CPQ: variants seen among roughly 807,000 people sequenced by gnomAD.
The protein encoded by CPQ is Ser-Met dipeptidase.
CPQ carries 37 observed loss-of-function variants against 45.7 expected under a neutral mutation model. The observed-to-expected ratio is 0.81, with a 90% CI of 0.62 to 1.07. The LOEUF is 1.07. CPQ is among the 50% of genes least tolerant of loss of function. The probability of loss-of-function intolerance (pLI) is 0.00; values close to 1 mark genes in which losing one functional copy is unlikely to be tolerated. For synonymous variants in CPQ, 186 were observed against 205.8 expected (o/e 0.90, Z 0.82); for missense variants, 537 against 572.9 (o/e 0.94, Z 0.64).
chr8:96,948,033 G>A (rs866095604), intron 4 of CPQ, among the ~76,000 whole-genome samples: 6 of 151,928 alleles, frequency 3.9e-5, no homozygotes, highest in African/African-American at 9.7e-5. Flanking sequence ...AGTACTTAGC[G>A]CGACTCCTGC....
At chr8:96,860,311 A>G (rs1424810398) in intron 3 of CPQ, among the ~76,000 whole-genome samples, 3 of 152,198 alleles carry the variant, frequency 2.0e-5, no homozygotes, top group African/African-American at 7.2e-5. Flanking sequence ...CACTAATAAT[A>G]GCATATTTTC....
At chr8:96,738,282 A>G (rs1444263830) in intron 1 of CPQ, among the ~76,000 whole-genome samples, 1 of 152,130 alleles carries the variant, frequency 6.6e-6, no homozygotes, top group Non-Finnish European at 1.5e-5. Flanking sequence ...GCTGTTTGAC[A>G]TATCAGTTAG....
chr8:96,701,903 G>C (rs1563473231), intron 1 of CPQ, among the ~76,000 whole-genome samples: 2 of 152,236 alleles, frequency 1.3e-5, no homozygotes, highest in East Asian at 1.9e-4. Context: ...CTACTAATTG[G>C]CTCTGACCCT....
At chr8:97,127,040 T>C (rs1811859577) in intron 7 of CPQ, among the ~76,000 whole-genome samples, 1 of 152,180 alleles carries the variant, frequency 6.6e-6, no homozygotes, top group Non-Finnish European at 1.5e-5. Context: ...TAAACCTAAA[T>C]GTAAAATCTT....
At chr8:96,709,957 G>A (rs1025803444) in intron 1 of CPQ, among the ~76,000 whole-genome samples, 1 of 152,012 alleles carries the variant, frequency 6.6e-6, no homozygotes, top group Non-Finnish European at 1.5e-5. Context: ...AGTAGAATTG[G>A]TACCAATTTT....
In CPQ at chr8:97,122,842, A is replaced by C. The variant is rs1010185739; in HGVS notation, c.1256-20178A>C. On this transcript the variant is annotated intron_variant, in intron 7 of 7. Coordinates refer to ENST00000220763, the MANE Select transcript of CPQ (RefSeq NM_016134.4). ...AGAGGTTTCAGTGAGCCAATATCAC[A>C]CCACTGTACTCCAGCCTGGGCAACA... Among the ~76,000 whole-genome samples, 7 of 148,134 alleles carry C rather than the reference A, an allele frequency of 4.7e-5. No homozygotes were observed. The East Asian group carries it at 1.2e-3, about 25-fold the overall frequency.
At chr8:96,880,104 T>C in intron 4 of CPQ, 99 bp downstream of exon 4, 1 of 1,009,428 alleles carries the variant, frequency 9.9e-7, no homozygotes, top group South Asian at 1.5e-5. Flanking sequence ...ACCACCTAGA[T>C]GGTCCTCATA....
chr8:96,685,074 A>G (rs1052388759), intron 1 of CPQ, among the ~76,000 whole-genome samples: 2 of 152,076 alleles, frequency 1.3e-5, no homozygotes, highest in Non-Finnish European at 2.9e-5. Context: ...ACTGCATTCC[A>G]GCCTGGGGTG....
At chr8:96,696,436 T>C (rs1381654089) in intron 1 of CPQ, among the ~76,000 whole-genome samples, 1 of 150,374 alleles carries the variant, frequency 6.7e-6, no homozygotes, top group Non-Finnish European at 1.5e-5. Context: ...AAACTTGAAG[T>C]ATAATAATAA....
chr8:97,128,797 A>T (rs1811890176), intron 7 of CPQ, among the ~76,000 whole-genome samples: 1 of 152,248 alleles, frequency 6.6e-6, no homozygotes. Flanking sequence ...CTACTGTGGA[A>T]AGTAGAGGTA....
intron 5 of CPQ, among the ~76,000 whole-genome samples, chr8:97,012,433 T>A (rs1002213981): frequency 7.9e-5 from 12 of 152,068 alleles, no homozygotes; most frequent in African/African-American, 2.4e-4. Flanking sequence ...GGGAAAAAAA[T>A]TTAATAGATT....
chr8:96,822,973 G>A (rs1811331202), intron 2 of CPQ, among the ~76,000 whole-genome samples: 1 of 151,930 alleles, frequency 6.6e-6, no homozygotes, highest in African/African-American at 2.4e-5. Context: ...TTCTTTCTCT[G>A]TCATATGAAA....
At chr8:96,663,630 A>T (rs991516580) in intron 1 of CPQ, among the ~76,000 whole-genome samples, 9 of 152,276 alleles carry the variant, frequency 5.9e-5, no homozygotes, top group African/African-American at 2.2e-4. Flanking sequence ...TTAAAAAATT[A>T]TAAAAGTGAT....
intron 1 of CPQ, among the ~76,000 whole-genome samples, chr8:96,696,391 T>G (rs941240918): frequency 1.3e-5 from 2 of 151,828 alleles, no homozygotes; most frequent in African/African-American, 4.8e-5. Context: ...TGTGTACGTA[T>G]GTAACTAACC....
At chr8:96,850,853 C>G (rs1811762025) in intron 3 of CPQ, among the ~76,000 whole-genome samples, 1 of 152,172 alleles carries the variant, frequency 6.6e-6, no homozygotes, top group Admixed American at 6.5e-5. Context: ...AGGTCATCCA[C>G]TCAGCCTCCC....
chr8:96,666,704 C>T (rs1301516570), intron 1 of CPQ, among the ~76,000 whole-genome samples: 7 of 152,176 alleles, frequency 4.6e-5, no homozygotes, highest in South Asian at 2.1e-4. Context: ...CTCTAGACTT[C>T]GAAGAGGCTA....
chr8:96,953,941 A>G (rs1296674088), intron 4 of CPQ, among the ~76,000 whole-genome samples: 2 of 152,202 alleles, frequency 1.3e-5, no homozygotes, highest in East Asian at 3.8e-4. Flanking sequence ...GGTCCAACAT[A>G]TTAATGATTC....
intron 4 of CPQ, among the ~76,000 whole-genome samples, chr8:96,889,401 T>C (rs1375208807): frequency 1.3e-5 from 2 of 152,146 alleles, no homozygotes; most frequent in African/African-American, 4.8e-5. Flanking sequence ...GAGGTAGAAG[T>C]GCAGTTTGGG....
chr8:96,685,514 C>T (rs1189517571), intron 1 of CPQ, among the ~76,000 whole-genome samples: 2 of 151,976 alleles, frequency 1.3e-5, no homozygotes, highest in Non-Finnish European at 2.9e-5. Flanking sequence ...TTCAAATATA[C>T]TTATGACATT....
Sources: gnomAD v4.1 joint callset for allele counts (sites outside exome capture counted in the v4.1 genomes callset) on GRCh38, gnomAD v4.1.1 for gene constraint, MANE v1.5 for transcripts, NCBI Gene and HGNC (gene_info 2026-07-23, HGNC 2026-07-21) for gene names.